Variants in IL36A observed in about 807,000 individuals in gnomAD.
The protein encoded by IL36A is interleukin-36 alpha.
A neutral mutation model predicts 12.7 loss-of-function variants in IL36A; 13 were observed. That is an observed-to-expected ratio of 1.02 (90% CI 0.67 to 1.63). The LOEUF (loss-of-function observed/expected upper bound fraction) is 1.63, where lower values mean the gene tolerates loss of function less well. IL36A is among the 40% of genes most tolerant of loss of function. IL36A has a pLI of 0.00. For missense variants in IL36A, 195 were observed against 192.9 expected (o/e 1.01, Z -0.07); for synonymous variants, 73 against 71.9 (o/e 1.01, Z -0.08).
At chr2:113,007,554 T>A (rs1441339709) in intron 3 of IL36A, among the ~76,000 whole-genome samples, 5 of 152,238 alleles carry the variant, frequency 3.3e-5, no homozygotes, top group Non-Finnish European at 7.3e-5. Flanking sequence ...CAACAAATAA[T>A]GGCCCAATCA....
At chr2:113,007,225 A>G (rs1227696120) in intron 3 of IL36A, among the ~76,000 whole-genome samples, 3 of 152,166 alleles carry the variant, frequency 2.0e-5, no homozygotes, top group African/African-American at 7.2e-5. Flanking sequence ...ATAAGCAGAC[A>G]CTCAACTTGA....
At chr2:113,009,345 A>G (rs546010900), downstream of IL36A, among the ~76,000 whole-genome samples, 3 of 152,154 alleles carry the variant, frequency 2.0e-5, no homozygotes, top group South Asian at 6.2e-4. Flanking sequence ...ATGCTGCTAT[A>G]AAGACACATG....
downstream of IL36A, among the ~76,000 whole-genome samples, chr2:113,010,882 T>TC (rs1416578140): frequency 6.6e-6 from 1 of 152,184 alleles, no homozygotes; most frequent in Non-Finnish European, 1.5e-5. Context: ...CATTTCTCCT[T>TC]CCCCCAGTCC....
chr2:113,008,332 C>G (rs1684670307), downstream of IL36A, among the ~76,000 whole-genome samples: 1 of 150,918 alleles, frequency 6.6e-6, no homozygotes, highest in South Asian at 2.1e-4. Context: ...TAATAATGCT[C>G]CAAGTAAAAA....
In IL36A at chr2:113,006,111, G is replaced by T. The variant is rs201500964; in HGVS notation, c.124+24G>T. The T allele has an allele frequency of 8.3e-4, 1,232 of 1,480,112 alleles. 1 individual carries two copies. The highest frequency in any genetic ancestry group is 1.1e-3 in the Non-Finnish European group (1,160 of 1,058,290). The allele number at this position is 1,480,112 out of a possible 1,614,324, so 91.7% of individuals were successfully genotyped here. On this transcript the variant is annotated intron_variant, in intron 2 of 3. Transcript: ENST00000259211. ...AGGTGAGTAGCCACGGTCTGTGAAAGGCAGCTCCTTTGGCCAGTGCTGTTG... is the reference window on the plus strand; with the variant it reads ...AGGTGAGTAGCCACGGTCTGTGAAATGCAGCTCCTTTGGCCAGTGCTGTTG...
In IL36A at chr2:113,005,683, A is replaced by G; in HGVS notation, c.-189A>G. 3 of 656,130 alleles carry G rather than the reference A, an allele frequency of 4.6e-6. No individual in the cohort carries two copies. The highest frequency in any genetic ancestry group is 8.3e-6 in the Non-Finnish European group (3 of 363,632). 40.6% of individuals were successfully genotyped at this position (656,130 alleles called of 1,614,324 possible). ...TTCTGCTGGAGGTAGACTGCATCCA[A>G]CAAAGTAAGGGTGCTGGGTGAGTTC... is the stretch of plus-strand genomic sequence containing the variant. On this transcript the variant is annotated 5_prime_UTR_variant, in exon 1 of 4. Transcript: ENST00000259211.
At chr2:113,008,988 A>T (rs1403971080), downstream of IL36A, among the ~76,000 whole-genome samples, 1 of 94,602 alleles carries the variant, frequency 1.1e-5, no homozygotes, top group Non-Finnish European at 2.0e-5. Flanking sequence ...ACCCCACAAC[A>T]GTCCCCGGTG....
chr2:113,008,456 G>T (rs1684676937), downstream of IL36A: 1 of 175,842 alleles, frequency 5.7e-6, no homozygotes, highest in Non-Finnish European at 1.2e-5. Context: ...CGCCTCCCGG[G>T]TTCACGCCAT....
At position 113,007,889 on chromosome 2, in the gene IL36A, T is replaced by C; in HGVS notation, c.322T>C (p.Tyr108His). The change falls in exon 4 of 4, where the codon TAC becomes CAC. Residue 108 changes from tyrosine (Y) to histidine (H), a missense_variant. Coordinates refer to ENST00000259211, the MANE Select transcript of IL36A (RefSeq NM_014440.3). ...QPEPVKSFLF[Y>H]HSQSGRNSTF... ...CGAGCCTGTGAAGTCCTTTCTCTTC[T>C]ACCACAGCCAGAGTGGCAGGAACTC... The C allele has an allele frequency of 1.2e-6, 2 of 1,614,212 alleles. No individual in the cohort carries two copies. Among genetic ancestry groups the C allele is most frequent in the South Asian group, 1.1e-5 (1 of 91,078 alleles).
At chr2:113,010,683 TCTTAGTATTC>T (rs1286666707), downstream of IL36A, among the ~76,000 whole-genome samples, 1 of 152,238 alleles carries the variant, frequency 6.6e-6, no homozygotes, top group Non-Finnish European at 1.5e-5. Context: ...TTGCATTTTC[TCTTAGTATTC>T]CTTGAGATAC....
At chr2:113,006,455 G>T in intron 2 of IL36A, 143 bp from the exon 3 acceptor site, 1 of 833,698 alleles carries the variant, frequency 1.2e-6, no homozygotes, top group Non-Finnish European at 1.9e-6. Flanking sequence ...TAGGATGGGT[G>T]TCCCGGTTAG....
At chr2:113,006,471 G>A in intron 2 of IL36A, 127 bp from the exon 3 acceptor site, 1 of 949,408 alleles carries the variant, frequency 1.1e-6, no homozygotes, top group Non-Finnish European at 1.6e-6. Context: ...GTTAGGTGGT[G>A]GGTGGTGAGG....
intron 2 of IL36A, among the ~76,000 whole-genome samples, 156 bp downstream of exon 2, chr2:113,006,243 G>A (rs1684619562): frequency 1.3e-5 from 2 of 152,178 alleles, no homozygotes; most frequent in African/African-American, 4.8e-5. Context: ...GCATAAGGTT[G>A]TTCTGGGACT....
Position 113,007,858 on chromosome 2 carries a change from C to G in IL36A, c.291C>G (p.Asn97Lys). ...LKEKDIMDLY[N>K]QPEPVKSFLF... ...AAAAGGATATAATGGATTTGTACAA[C>G]CAACCCGAGCCTGTGAAGTCCTTTC... The change falls in exon 4 of 4, where the codon AAC becomes AAG. Residue 97 changes from asparagine to lysine, a missense_variant. By Grantham distance (94) the Asn-to-Lys change is moderately conservative. Transcript: ENST00000259211. The G allele has an allele frequency of 6.2e-7, 1 of 1,614,112 alleles. No homozygotes were observed. Among genetic ancestry groups the G allele is most frequent in the African/African-American group, 1.3e-5 (1 of 75,026 alleles).
chr2:113,005,686 A>T lies in IL36A; in HGVS notation c.-186A>T. The stretch of plus-strand genomic sequence containing the variant: ...TGCTGGAGGTAGACTGCATCCAACA[A>T]AGTAAGGGTGCTGGGTGAGTTCTGG... On this transcript the variant is annotated 5_prime_UTR_variant, in exon 1 of 4. Coordinates refer to ENST00000259211, the MANE Select transcript of IL36A (RefSeq NM_014440.3). The T allele has an allele frequency of 3.0e-6, 2 of 663,222 alleles. No homozygotes were observed. Among genetic ancestry groups the T allele is most frequent in the Admixed American group, 2.5e-5 (1 of 40,158 alleles). 41.1% of individuals were successfully genotyped at this position (663,222 alleles called of 1,614,324 possible). A position where few individuals can be genotyped will look rare whatever the true frequency, so the allele number is the denominator to read the frequency against.
chr2:113,009,717 G>A (rs942779079), downstream of IL36A, among the ~76,000 whole-genome samples: 2 of 152,162 alleles, frequency 1.3e-5, no homozygotes, highest in African/African-American at 2.4e-5. Flanking sequence ...ACTGGGGTGG[G>A]TGGGACAAAT....
chr2:113,009,241 C>T (rs1383355935), downstream of IL36A, among the ~76,000 whole-genome samples: 1 of 148,232 alleles, frequency 6.7e-6, no homozygotes, highest in Non-Finnish European at 1.5e-5. Flanking sequence ...TTAGGTTGGT[C>T]GTCAGTGTGG....
chr2:113,005,797 T>C lies in IL36A; in HGVS notation c.-75T>C. 6.5e-7 allele frequency: 1 copy of C among 1,545,974 alleles called. No individual in the cohort carries two copies. Among genetic ancestry groups the C allele is most frequent in the Non-Finnish European group, 8.9e-7 (1 of 1,118,038 alleles). On this transcript the variant is annotated 5_prime_UTR_variant, in exon 1 of 4. Coordinates refer to ENST00000259211, the MANE Select transcript of IL36A (RefSeq NM_014440.3). ...GGTTAAACTGTGGCTTGGGACTGAC[T>C]CAGGTCCTCTCTTGGGGTCGGTCTG...
At chr2:113,007,793 A>G (rs1684652199) in intron 3 of IL36A, 39 bp from the exon 4 acceptor site, 1 of 1,479,432 alleles carries the variant, frequency 6.8e-7, no homozygotes, top group Non-Finnish European at 9.5e-7. Context: ...ACATTCAAAC[A>G]GTTATGTTTC....
Sources: allele counts gnomAD v4.1 joint callset (sites outside exome capture counted in the v4.1 genomes callset), GRCh38; gene constraint gnomAD v4.1.1; transcripts MANE v1.5; gene names NCBI Gene and HGNC (gene_info 2026-07-23, HGNC 2026-07-21).